PIK3R1: variants seen among roughly 807,000 people sequenced by gnomAD.
PIK3R1 encodes phosphatidylinositol 3-kinase regulatory subunit alpha.
Under a neutral mutation model 98.0 loss-of-function variants are expected in PIK3R1, and 29 were observed. The ratio of observed to expected loss-of-function variants is 0.30; its 90% CI spans 0.22 to 0.40. The LOEUF is 0.40. PIK3R1 is among the 10% of genes least tolerant of loss of function. The pLI is 1.00. For synonymous variants in PIK3R1, 282 were observed against 311.8 expected, an observed-to-expected ratio of 0.90 and a Z score of 1.01; for missense variants, 596 against 872.7, an observed-to-expected ratio of 0.68 and a Z score of 3.99.
intron 1 of PIK3R1, among the ~76,000 whole-genome samples, chr5:68,222,499 G>A (rs1404279389): frequency 6.6e-6 from 1 of 152,152 alleles, no homozygotes; most frequent in Non-Finnish European, 1.5e-5. Flanking sequence ...GCAGAAATAG[G>A]CAGGATTCCA....
intron 8 of PIK3R1, 125 bp from the exon 9 acceptor site, chr5:68,292,976 C>T (rs1580261344): frequency 1.3e-6 from 1 of 761,740 alleles, no homozygotes; most frequent in East Asian, 2.7e-5. Flanking sequence ...TATGGGCACT[C>T]ACTGTACTTT....
At chr5:68,241,367 G>A (rs973147013) in intron 2 of PIK3R1, among the ~76,000 whole-genome samples, 1 of 139,816 alleles carries the variant, frequency 7.2e-6, no homozygotes. Context: ...TGCTGAAAAG[G>A]TGGTGGTTAC....
intron 2 of PIK3R1, among the ~76,000 whole-genome samples, chr5:68,256,727 T>C (rs1483449809): frequency 2.0e-5 from 3 of 150,866 alleles, no homozygotes; most frequent in African/African-American, 7.3e-5. Flanking sequence ...AGCAAGAGTG[T>C]GAGATAATGG....
intron 2 of PIK3R1, among the ~76,000 whole-genome samples, chr5:68,261,995 G>C (rs1745773806): frequency 6.6e-6 from 1 of 152,116 alleles, no homozygotes; most frequent in Non-Finnish European, 1.5e-5. Flanking sequence ...GCAGAAAGGA[G>C]TACCCCGCAG....
rs1730757236 is a variant in PIK3R1 at position 68,273,574 on chromosome 5, TTCCTACTACCAGCTATGTCCAGATAC to T, written c.427+95_427+120del. 5 of 1,089,240 alleles carry T rather than the reference TTCCTACTACCAGCTATGTCCAGATAC, an allele frequency of 4.6e-6. No homozygotes were observed. In the Admixed American group the frequency reaches 8.5e-5, roughly 19 times the overall value. 67.5% of individuals were successfully genotyped at this position (1,089,240 alleles called of 1,614,324 possible). ...TCTCTTGTGCATTCATTAAGTAAAT[TTCCTACTACCAGCTATGTCCAGATAC>T]TCTGCTGGACACTCAAACTGTTTGG... On this transcript the variant is annotated intron_variant, in intron 3 of 15. Coordinates refer to ENST00000521381, the MANE Select transcript of PIK3R1 (RefSeq NM_181523.3).
At chr5:68,270,011 A>C (rs1307039577) in intron 2 of PIK3R1, among the ~76,000 whole-genome samples, 1 of 152,156 alleles carries the variant, frequency 6.6e-6, no homozygotes, top group Admixed American at 6.6e-5. Context: ...GTGGGGAGTC[A>C]CTCAATACAT....
intron 2 of PIK3R1, among the ~76,000 whole-genome samples, chr5:68,263,163 C>G (rs1745964531): frequency 7.0e-6 from 1 of 143,548 alleles, no homozygotes; most frequent in Non-Finnish European, 1.5e-5. Context: ...GTACATATAT[C>G]TACATATATA....
At chr5:68,263,203 CTATA>C (rs556245789) in intron 2 of PIK3R1, among the ~76,000 whole-genome samples, 1 of 125,888 alleles carries the variant, frequency 7.9e-6, no homozygotes, top group South Asian at 2.4e-4. Context: ...ACATATATAT[CTATA>C]TATATATTTC....
rs534449995 is a variant in PIK3R1, at chr5:68,223,387, A to T, written c.-386-2903A>T. 9.5e-5 allele frequency among the ~76,000 whole-genome samples: 14 copies of T among 146,870 alleles called. No homozygotes were observed. The East Asian group carries it at 2.4e-3, about 25-fold the overall frequency. ...CTGCTCTCCTTTTTTTTTTTTTTCCACAACATTGCCCTCAGACCACTTAAT... is the reference window on the plus strand; with the variant it reads ...CTGCTCTCCTTTTTTTTTTTTTTCCTCAACATTGCCCTCAGACCACTTAAT... On this transcript the variant is annotated intron_variant, in intron 1 of 15. Coordinates refer to ENST00000521381, the MANE Select transcript of PIK3R1 (RefSeq NM_181523.3).
chr5:68,276,283 C>T (rs2112175676), intron 4 of PIK3R1, among the ~76,000 whole-genome samples: 1 of 152,354 alleles, frequency 6.6e-6, no homozygotes, highest in East Asian at 1.9e-4. Flanking sequence ...AGCTTAGCCA[C>T]ATCCCTAACC....
intron 1 of PIK3R1, among the ~76,000 whole-genome samples, chr5:68,219,336 T>C (rs1478457742): frequency 1.3e-5 from 2 of 152,204 alleles, no homozygotes; most frequent in Non-Finnish European, 2.9e-5. Flanking sequence ...CAAGAGAGTA[T>C]TGAAGTCACA....
At chr5:68,273,092 C>T (rs1218164708) in intron 2 of PIK3R1, among the ~76,000 whole-genome samples, 1 of 152,062 alleles carries the variant, frequency 6.6e-6, no homozygotes, top group East Asian at 1.9e-4. Context: ...CCTGCCACTC[C>T]CCCCACCTTT....
In PIK3R1 at chr5:68,279,745, C is replaced by G. The variant is rs1746744916; in HGVS notation, c.634+12C>G. The G allele has an allele frequency of 1.2e-6, 2 of 1,613,558 alleles. No individual in the cohort carries two copies. The highest frequency in any genetic ancestry group is 1.3e-5 in the African/African-American group (1 of 74,984). Reference sequence around the variant, plus strand: ...TTCTTTAGCTCCAGGTTTGTTTTTTCTCTTCTGGGAACCTCATTGAACATA... The same window carrying G: ...TTCTTTAGCTCCAGGTTTGTTTTTTGTCTTCTGGGAACCTCATTGAACATA... On this transcript the variant is annotated intron_variant, in intron 5 of 15. Coordinates refer to ENST00000521381, the MANE Select transcript of PIK3R1 (RefSeq NM_181523.3).
intron 7 of PIK3R1, among the ~76,000 whole-genome samples, chr5:68,287,872 C>T (rs1265792809): frequency 6.6e-6 from 1 of 152,150 alleles, no homozygotes; most frequent in African/African-American, 2.4e-5. Flanking sequence ...GTTTAATATT[C>T]GTCCGAGGAT....
intron 5 of PIK3R1, 35 bp from the exon 6 acceptor site, chr5:68,280,493 C>T (rs1746787283): frequency 3.6e-6 from 5 of 1,392,058 alleles, no homozygotes; most frequent in Non-Finnish European, 5.0e-6. Context: ...TAGTCGCTTA[C>T]TCATTTCTCT....
chr5:68,227,087 C>T (rs943287875), intron 2 of PIK3R1, 78 bp downstream of exon 2: 22 of 1,330,846 alleles, frequency 1.7e-5, no homozygotes, highest in Admixed American at 1.4e-4. Flanking sequence ...TGGGTTGAGT[C>T]GTTATGTTCT....
At chr5:68,267,246 C>T (rs1364399544) in intron 2 of PIK3R1, among the ~76,000 whole-genome samples, 1 of 152,170 alleles carries the variant, frequency 6.6e-6, no homozygotes, top group Non-Finnish European at 1.5e-5. Flanking sequence ...TGTAATCTTG[C>T]ATTTCAGTTA....
intron 2 of PIK3R1, among the ~76,000 whole-genome samples, chr5:68,228,946 A>G (rs945042193): frequency 3.0e-4 from 45 of 151,934 alleles, no homozygotes; most frequent in African/African-American, 9.9e-4. Context: ...TTTCTCATGT[A>G]ATGTGATGAC....
intron 2 of PIK3R1, among the ~76,000 whole-genome samples, chr5:68,264,308 C>T (rs1488540955): frequency 6.6e-6 from 1 of 152,194 alleles, no homozygotes; most frequent in Non-Finnish European, 1.5e-5. Flanking sequence ...GCTTGTCCAT[C>T]AGTGTCACGT....
Sources: gnomAD v4.1 joint callset for allele counts (sites outside exome capture counted in the v4.1 genomes callset) on GRCh38, gnomAD v4.1.1 for gene constraint, MANE v1.5 for transcripts, NCBI Gene and HGNC (gene_info 2026-07-23, HGNC 2026-07-21) for gene names.